Variants in B4GALT5 observed in about 807,000 individuals in gnomAD.
The protein encoded by B4GALT5 is beta-1,4-galactosyltransferase 5.
A neutral mutation model predicts 45.0 loss-of-function variants in B4GALT5; 11 were observed. The observed-to-expected ratio is 0.24, with a 90% CI of 0.15 to 0.40. The LOEUF is 0.40. B4GALT5 is among the 10% of genes least tolerant of loss of function. The pLI is 1.00. For missense variants in B4GALT5, 337 were observed against 500.2 expected (o/e 0.67, Z 3.11); for synonymous variants, 185 against 182.9 (o/e 1.01, Z -0.09).
In B4GALT5 at chr20:49,636,178, CT is replaced by C; in HGVS notation, c.*133del. ...GTGCGTGTGCTGTCACATTTTCCCCCTGAACTCTGTGATCCTTCATGAGACA... is the reference window on the plus strand; with the variant it reads ...GTGCGTGTGCTGTCACATTTTCCCCCGAACTCTGTGATCCTTCATGAGACA... On this transcript the variant is annotated 3_prime_UTR_variant, in exon 9 of 9. Coordinates refer to ENST00000371711, the MANE Select transcript of B4GALT5 (RefSeq NM_004776.4). The C allele has an allele frequency of 2.5e-6, 3 of 1,220,692 alleles. No individual in the cohort carries two copies. Among genetic ancestry groups the C allele is most frequent in the Non-Finnish European group, 3.4e-6 (3 of 873,702 alleles). The allele number at this position is 1,220,692 out of a possible 1,614,324, so 75.6% of individuals were successfully genotyped here. A position where few individuals can be genotyped will look rare whatever the true frequency, so the allele number is the denominator to read the frequency against.
chr20:49,694,658 A>AGGAAAGGGAAAGGGAAAG (rs141210680), intron 1 of B4GALT5, among the ~76,000 whole-genome samples: 2,759 of 142,984 alleles, frequency 0.019, 55 homozygotes, highest in East Asian at 0.063. Context: ...GAAAGGGAAA[A>AGGAAAGGGAAAGGGAAAG]GGAAAGGGAA....
intron 1 of B4GALT5, among the ~76,000 whole-genome samples, chr20:49,706,101 T>C (rs1039501117): frequency 6.6e-6 from 1 of 151,156 alleles, no homozygotes; most frequent in Non-Finnish European, 1.5e-5. Flanking sequence ...GTGAAGCAGA[T>C]TGAGAATCAC....
Position 49,640,541 on chromosome 20 carries a change from T to C in B4GALT5, c.731A>G (p.Asn244Ser). The C allele has an allele frequency of 6.2e-7, 1 of 1,613,910 alleles. No individual in the cohort carries two copies. Among genetic ancestry groups the C allele is most frequent in the Non-Finnish European group, 8.5e-7 (1 of 1,179,984 alleles). The part of the protein sequence containing the change: ...DVDHIPESDR[N>S]YYGCGQMPRH... ...CGGCATCTGTCCACATCCATAATAG[T>C]TGCGATCACTTTCCGGTATGTGATC... Residue 244 changes from asparagine to serine, a missense_variant, in exon 6 of 9, where the codon AAC becomes AGC. By Grantham distance (46) the Asn-to-Ser change is conservative. Transcript: ENST00000371711.
chr20:49,686,398 A>C (rs1018894524), intron 1 of B4GALT5, among the ~76,000 whole-genome samples: 5 of 152,216 alleles, frequency 3.3e-5, no homozygotes, highest in Non-Finnish European at 7.3e-5. Flanking sequence ...GCAGAAGCCC[A>C]AGAGATACCA....
chr20:49,651,712 A>C (rs981525168), intron 2 of B4GALT5, among the ~76,000 whole-genome samples: 3 of 152,252 alleles, frequency 2.0e-5, no homozygotes, highest in African/African-American at 7.2e-5. Flanking sequence ...GCAACTGCTT[A>C]TTCAGCATTG....
At chr20:49,661,337 C>T (rs1008295043) in intron 1 of B4GALT5, among the ~76,000 whole-genome samples, 1 of 152,108 alleles carries the variant, frequency 6.6e-6, no homozygotes, top group African/African-American at 2.4e-5. Flanking sequence ...CAGGTTCAAG[C>T]GATTCTTCTG....
chr20:49,683,946 G>C (rs1357482633), intron 1 of B4GALT5, among the ~76,000 whole-genome samples: 1 of 151,230 alleles, frequency 6.6e-6, no homozygotes, highest in Non-Finnish European at 1.5e-5. Context: ...TTTGAGACCA[G>C]CCTGGCCAAC....
intron 2 of B4GALT5, among the ~76,000 whole-genome samples, chr20:49,652,304 A>G (rs2085625789): frequency 6.6e-6 from 1 of 151,472 alleles, no homozygotes; most frequent in Non-Finnish European, 1.5e-5. Flanking sequence ...AGTGCTGACC[A>G]ATGGACCCCA....
At chr20:49,647,458 C>T (rs1400527786) in intron 2 of B4GALT5, among the ~76,000 whole-genome samples, 1 of 152,186 alleles carries the variant, frequency 6.6e-6, no homozygotes, top group Non-Finnish European at 1.5e-5. Context: ...CTCTGTCAGC[C>T]TCTACGGCTG....
At chr20:49,669,432 C>T (rs1158486143) in intron 1 of B4GALT5, among the ~76,000 whole-genome samples, 1 of 152,134 alleles carries the variant, frequency 6.6e-6, no homozygotes, top group African/African-American at 2.4e-5. Context: ...CGTGGTTGCT[C>T]ACACCTGTAA....
At position 49,640,554 on chromosome 20, in the gene B4GALT5, C is replaced by T; in HGVS notation, c.718G>A (p.Glu240Lys). The T allele has an allele frequency of 1.2e-6, 2 of 1,613,912 alleles. No homozygotes were observed. The highest frequency in any genetic ancestry group is 8.5e-7 in the Non-Finnish European group (1 of 1,179,982). The change falls in exon 6 of 9, where the codon GAA (glutamate) becomes AAA (lysine). Residue 240 changes from glutamate (E) to lysine (K), a missense_variant. Physicochemically the swap from Glu to Lys is moderately conservative, Grantham distance 56. This residue lies in a region of B4GALT5 where 163 missense variants were observed against 292.8 expected (regional missense o/e 0.56). Transcript: ENST00000371711. ...LIFHDVDHIP[E>K]SDRNYYGCGQ... Reference sequence around the variant, plus strand: ...CATCCATAATAGTTGCGATCACTTTCCGGTATGTGATCTACATCATGAAAA... The same window carrying T: ...CATCCATAATAGTTGCGATCACTTTTCGGTATGTGATCTACATCATGAAAA...
chr20:49,663,698 CA>C (rs2085676473), intron 1 of B4GALT5, among the ~76,000 whole-genome samples: 2 of 78,588 alleles, frequency 2.5e-5, no homozygotes, highest in African/African-American at 5.9e-5. Flanking sequence ...AAAATATATA[CA>C]TATATATATA....
chr20:49,649,260 GA>G (rs1644320313), intron 2 of B4GALT5, among the ~76,000 whole-genome samples: 1 of 152,178 alleles, frequency 6.6e-6, no homozygotes, highest in South Asian at 2.1e-4. Context: ...CATTTATAGA[GA>G]ATAGTAGAGA....
intron 1 of B4GALT5, among the ~76,000 whole-genome samples, chr20:49,670,579 C>T (rs549738571): frequency 6.6e-6 from 1 of 152,312 alleles, no homozygotes; most frequent in Non-Finnish European, 1.5e-5. Context: ...TAAAAGAATG[C>T]AATTCTATAG....
chr20:49,693,098 C>A (rs1568732240), intron 1 of B4GALT5, among the ~76,000 whole-genome samples: 1 of 152,254 alleles, frequency 6.6e-6, no homozygotes, highest in East Asian at 1.9e-4. Flanking sequence ...ATAGGCTATA[C>A]CATCTAGGTT....
chr20:49,699,947 T>C (rs997522087), intron 1 of B4GALT5, among the ~76,000 whole-genome samples: 2 of 152,230 alleles, frequency 1.3e-5, no homozygotes, highest in Non-Finnish European at 2.9e-5. Flanking sequence ...TTTTGTCTTA[T>C]GTAAAAATGC....
chr20:49,709,641 C>T (rs144938238), intron 1 of B4GALT5, among the ~76,000 whole-genome samples: 13 of 152,038 alleles, frequency 8.6e-5, no homozygotes, highest in African/African-American at 3.1e-4. Flanking sequence ...TGGTGGCAAG[C>T]GCCTATAATC....
At chr20:49,702,992 T>C (rs2146360758) in intron 1 of B4GALT5, among the ~76,000 whole-genome samples, 1 of 151,790 alleles carries the variant, frequency 6.6e-6, no homozygotes, top group Admixed American at 6.6e-5. Context: ...GCTGACACGA[T>C]GAAACCCCGT....
chr20:49,656,294 T>C (rs2085642703), intron 2 of B4GALT5, among the ~76,000 whole-genome samples: 3 of 152,184 alleles, frequency 2.0e-5, no homozygotes, highest in Non-Finnish European at 4.4e-5. Flanking sequence ...ACTTCTTGAA[T>C]AGTTTGCAGA....
Sources: gnomAD v4.1 joint callset for allele counts (sites outside exome capture counted in the v4.1 genomes callset) on GRCh38, gnomAD v4.1.1 for gene constraint, gnomAD v4.1.1 regional missense constraint, MANE v1.5 for transcripts, NCBI Gene and HGNC (gene_info 2026-07-23, HGNC 2026-07-21) for gene names.